Variants in CLSTN2 observed in about 807,000 individuals in gnomAD.
CLSTN2 encodes calsyntenin 2.
In CLSTN2, 48 loss-of-function variants were observed where a neutral mutation model predicts 101.2. The observed-to-expected ratio is 0.47, with a 90% confidence interval of 0.38 to 0.60. The LOEUF is 0.60. CLSTN2 is among the 20% of genes least tolerant of loss of function. The pLI, the probability that CLSTN2 is intolerant of heterozygous loss-of-function variation, is 0.00. For missense variants in CLSTN2, 1,160 were observed against 1,238.2 expected, an observed-to-expected ratio of 0.94 and a Z score of 0.95; for synonymous variants, 481 against 463.6, an observed-to-expected ratio of 1.04 and a Z score of -0.48.
chr3:140,105,707 A>G (rs1331017382), intron 1 of CLSTN2, among the ~76,000 whole-genome samples: 1 of 152,144 alleles, frequency 6.6e-6, no homozygotes, highest in African/African-American at 2.4e-5. Flanking sequence ...CCAGCTTTCC[A>G]ATGACTGTAA....
chr3:140,509,274 A>ATATT (rs1447446066), intron 8 of CLSTN2, among the ~76,000 whole-genome samples: 11 of 152,164 alleles, frequency 7.2e-5, no homozygotes, highest in Non-Finnish European at 1.5e-4. Flanking sequence ...CCACCTTAGC[A>ATATT]TATTATAGTC....
chr3:140,554,984 C>G (rs1343366813), intron 10 of CLSTN2, among the ~76,000 whole-genome samples: 1 of 152,174 alleles, frequency 6.6e-6, no homozygotes, highest in Admixed American at 6.5e-5. Context: ...TCAGGATAAG[C>G]TAAGTTATGC....
At chr3:140,520,595 T>A (rs1021280090) in intron 8 of CLSTN2, among the ~76,000 whole-genome samples, 1 of 152,174 alleles carries the variant, frequency 6.6e-6, no homozygotes, top group African/African-American at 2.4e-5. Context: ...GGGATTATAA[T>A]TCACGATGAG....
At chr3:140,356,507 C>T (rs142541508) in intron 2 of CLSTN2, among the ~76,000 whole-genome samples, 3,329 of 152,098 alleles carry the variant, frequency 0.022, 113 homozygotes, top group African/African-American at 0.076. Flanking sequence ...TGCCTGTAAT[C>T]CCAGCACTTA....
At chr3:140,422,106 G>C (rs922294141) in intron 5 of CLSTN2, among the ~76,000 whole-genome samples, 1 of 151,936 alleles carries the variant, frequency 6.6e-6, no homozygotes, top group Non-Finnish European at 1.5e-5. Context: ...CTCATAAACT[G>C]CTTCATTTCT....
chr3:140,484,391 T>G (rs1402329280), intron 8 of CLSTN2, among the ~76,000 whole-genome samples: 5 of 152,222 alleles, frequency 3.3e-5, no homozygotes, highest in Admixed American at 3.3e-4. Context: ...CTGGCTGCCC[T>G]TAACATTTTT....
chr3:140,464,631 A>G (rs1314967748), intron 7 of CLSTN2, among the ~76,000 whole-genome samples: 1 of 152,208 alleles, frequency 6.6e-6, no homozygotes, highest in Non-Finnish European at 1.5e-5. Context: ...TTGCCCATCC[A>G]TTCTTCTTGT....
chr3:140,362,280 C>T (rs2087737682), intron 2 of CLSTN2, among the ~76,000 whole-genome samples: 1 of 151,944 alleles, frequency 6.6e-6, no homozygotes. Flanking sequence ...GAATTTAGAC[C>T]CTTACCTCAC....
In CLSTN2 at chr3:139,968,771, T is replaced by C. The variant is rs1935646487; in HGVS notation, c.109+33288T>C. Among the ~76,000 whole-genome samples the C allele has an allele frequency of 2.6e-5, 4 of 152,178 alleles. No homozygotes were observed. The South Asian group carries it at 8.3e-4, about 32-fold the overall frequency. ...GTAGAATATATTGCTGCATAAAATA[T>C]GGAAAAACTATAAAAAAGAAATTAA... On this transcript the variant is annotated intron_variant, in intron 1 of 16. Coordinates refer to ENST00000458420, the MANE Select transcript of CLSTN2 (RefSeq NM_022131.3).
chr3:140,052,408 G>A (rs771112742), intron 1 of CLSTN2, among the ~76,000 whole-genome samples: 16 of 152,162 alleles, frequency 1.1e-4, no homozygotes, highest in Admixed American at 2.6e-4. Flanking sequence ...CACCTGCCTC[G>A]GCCTCCCAAA....
intron 1 of CLSTN2, among the ~76,000 whole-genome samples, chr3:140,096,147 T>C (rs1372665709): frequency 6.6e-6 from 1 of 152,188 alleles, no homozygotes; most frequent in Non-Finnish European, 1.5e-5. Context: ...CTCTGCTTCA[T>C]CATCCTCATG....
intron 1 of CLSTN2, among the ~76,000 whole-genome samples, chr3:139,981,050 G>A (rs1265394461): frequency 1.3e-5 from 2 of 152,054 alleles, no homozygotes; most frequent in African/African-American, 4.8e-5. Flanking sequence ...AATTTTATGT[G>A]TGGGTTTGAT....
At chr3:140,228,117 C>A (rs948780682) in intron 2 of CLSTN2, among the ~76,000 whole-genome samples, 6 of 152,198 alleles carry the variant, frequency 3.9e-5, no homozygotes, top group Non-Finnish European at 7.3e-5. Flanking sequence ...TCTTCTCTAT[C>A]TCATTGTCAG....
intron 1 of CLSTN2, among the ~76,000 whole-genome samples, chr3:140,104,761 G>T (rs1008004009): frequency 6.6e-6 from 1 of 152,168 alleles, no homozygotes; most frequent in Non-Finnish European, 1.5e-5. Context: ...ATCACTTGAG[G>T]CCAGGAGTTT....
intron 1 of CLSTN2, among the ~76,000 whole-genome samples, chr3:140,027,147 G>A (rs1280934802): frequency 1.3e-5 from 2 of 152,226 alleles, no homozygotes; most frequent in African/African-American, 2.4e-5. Context: ...GATCTGGCAG[G>A]CCAAGTGGAG....
chr3:140,516,055 C>T (rs1934910866), intron 8 of CLSTN2, among the ~76,000 whole-genome samples: 1 of 152,070 alleles, frequency 6.6e-6, no homozygotes, highest in South Asian at 2.1e-4. Flanking sequence ...TGATATTTTC[C>T]TATTGGACAA....
At chr3:140,451,633 C>G (rs1341511531) in intron 6 of CLSTN2, among the ~76,000 whole-genome samples, 2 of 152,170 alleles carry the variant, frequency 1.3e-5, no homozygotes, top group African/African-American at 4.8e-5. Context: ...CAAATCCGAT[C>G]CTGGGGTCAG....
chr3:140,460,098 G>A (rs1933522888), intron 7 of CLSTN2, among the ~76,000 whole-genome samples: 1 of 152,154 alleles, frequency 6.6e-6, no homozygotes, highest in Admixed American at 6.5e-5. Context: ...AGATGGGGGT[G>A]AGAGAGGAAT....
At chr3:139,969,723 C>T (rs1271505084) in intron 1 of CLSTN2, among the ~76,000 whole-genome samples, 3 of 152,174 alleles carry the variant, frequency 2.0e-5, no homozygotes, top group African/African-American at 7.2e-5. Flanking sequence ...TAACACCTCC[C>T]ACCACCACTC....
Sources: allele counts gnomAD v4.1 joint callset (sites outside exome capture counted in the v4.1 genomes callset), GRCh38; gene constraint gnomAD v4.1.1; transcripts MANE v1.5; gene names NCBI Gene and HGNC (gene_info 2026-07-23, HGNC 2026-07-21).